CDH23: variants seen among roughly 807,000 people sequenced by gnomAD.
The protein encoded by CDH23 is cadherin related 23.
Under a neutral mutation model 317.1 loss-of-function variants are expected in CDH23, and 189 were observed. The observed-to-expected ratio is 0.60, with a 90% CI of 0.53 to 0.67. The LOEUF (loss-of-function observed/expected upper bound fraction) is 0.67, where lower values mean the gene tolerates loss of function less well. CDH23 is among the 30% of genes least tolerant of loss of function. CDH23 has a pLI of 0.00. For missense variants in CDH23, 4,401 were observed against 4,592.4 expected, an observed-to-expected ratio of 0.96 and a Z score of 1.20; for synonymous variants, 1,839 against 1,876.8, an observed-to-expected ratio of 0.98 and a Z score of 0.52.
intron 21 of CDH23, 22 bp downstream of exon 21, chr10:71,694,281 G>A (rs2132713774): frequency 1.9e-6 from 3 of 1,580,176 alleles, no homozygotes; most frequent in East Asian, 2.2e-5. Flanking sequence ...CCCCTCCCGT[G>A]CCCCAGCTCC....
At chr10:71,778,075 G>A in intron 39 of CDH23, 114 bp from the exon 40 acceptor site, 1 of 1,487,746 alleles carries the variant, frequency 6.7e-7, no homozygotes, top group African/African-American at 1.4e-5. Context: ...CTAGGGGGTG[G>A]CAGTGGTTCC....
intron 1 of CDH23, among the ~76,000 whole-genome samples, chr10:71,436,385 G>A (rs939037115): frequency 6.6e-6 from 1 of 152,236 alleles, no homozygotes; most frequent in Non-Finnish European, 1.5e-5. Context: ...GTATGCAGGC[G>A]CTCACTTTTT....
At chr10:71,667,853 G>A (rs1863980142) in intron 14 of CDH23, among the ~76,000 whole-genome samples, 1 of 152,134 alleles carries the variant, frequency 6.6e-6, no homozygotes, top group Non-Finnish European at 1.5e-5. Flanking sequence ...CCGGGAGCTG[G>A]GCTGGACATA....
rs560196660 is a variant in CDH23 at position 71,624,186 on chromosome 10, G to A, written c.1134+6793G>A. Among the ~76,000 whole-genome samples the A allele has an allele frequency of 4.6e-5, 7 of 152,266 alleles. No individual in the cohort carries two copies. In the South Asian group the frequency reaches 1.2e-3, roughly 27 times the overall value. Reference sequence around the variant, plus strand: ...GAGCCGGCTCCACGGACTCGGTTCCGGCAAACCCAGCTCCCACTTCAAGCA... The same window carrying A: ...GAGCCGGCTCCACGGACTCGGTTCCAGCAAACCCAGCTCCCACTTCAAGCA... On this transcript the variant is annotated intron_variant, in intron 11 of 69. Transcript: ENST00000224721.
intron 38 of CDH23, among the ~76,000 whole-genome samples, chr10:71,757,966 C>T (rs1840192872): frequency 1.3e-5 from 2 of 152,310 alleles, no homozygotes; most frequent in African/African-American, 4.8e-5. Flanking sequence ...CATTCCCCTA[C>T]CTCAGGTTAA....
chr10:71,736,632 C>T (rs1839573632), intron 34 of CDH23, among the ~76,000 whole-genome samples: 1 of 152,172 alleles, frequency 6.6e-6, no homozygotes, highest in Non-Finnish European at 1.5e-5. Flanking sequence ...AGGCCAACCC[C>T]CTTCCACTGG....
chr10:71,759,946 CATAT>C (rs1292389919), intron 38 of CDH23, among the ~76,000 whole-genome samples: 1 of 93,168 alleles, frequency 1.1e-5, no homozygotes, highest in Admixed American at 1.1e-4. Flanking sequence ...TACACACACA[CATAT>C]ATATACACAC....
At chr10:71,549,772 C>T (rs875860) in intron 6 of CDH23, among the ~76,000 whole-genome samples, 28,135 of 152,194 alleles carry the variant, frequency 0.18, 2,984 homozygotes, top group African/African-American at 0.27. Context: ...GCCTCACTTA[C>T]TGCCCCAGAG....
Position 71,799,117 on chromosome 10 carries a change from T to C in CDH23, c.7061T>C (p.Val2354Ala). 1 of 1,612,858 alleles carries C rather than the reference T, an allele frequency of 6.2e-7. No individual in the cohort carries two copies. Among genetic ancestry groups the C allele is most frequent in the Non-Finnish European group, 8.5e-7 (1 of 1,179,028 alleles). ...VQLEDSSAGK[V>A]IANRTVDYEE... ...GGGAGCCTCTGTGTCTTAGGGAAGG[T>C]CATTGCCAACCGGACAGTGGACTAC... Residue 2354 changes from valine (V) to alanine (A), a missense_variant, in exon 51 of 70, where the codon GTC (valine) becomes GCC (alanine). Transcript: ENST00000224721.
chr10:71,493,865 C>T (rs888091940), intron 3 of CDH23, among the ~76,000 whole-genome samples: 3 of 152,016 alleles, frequency 2.0e-5, no homozygotes, highest in Admixed American at 6.6e-5. Context: ...ATTATAATAG[C>T]GTGCATAGAA....
At chr10:71,762,163 G>T in intron 38 of CDH23, 1 of 1,023,456 alleles carries the variant, frequency 9.8e-7, no homozygotes, top group African/African-American at 1.6e-5. Context: ...CCCTAAGACT[G>T]CCTTCTGCAT....
chr10:71,658,406 AT>A (rs1863508497), intron 14 of CDH23, among the ~76,000 whole-genome samples: 1 of 152,130 alleles, frequency 6.6e-6, no homozygotes, highest in Non-Finnish European at 1.5e-5. Flanking sequence ...GTGAGGTCTG[AT>A]GGTTTTCAGC....
At position 71,810,529 on chromosome 10, in the gene CDH23, G is replaced by T; in HGVS notation, c.9037G>T (p.Val3013Leu). ...NFAQTELLIHVVNRDTNRILD... is the reference protein window; with the variant it reads ...NFAQTELLIHLVNRDTNRILD... ...TGCGCAGACAGAACTGCTTATCCACGTGGTGAACCGCGATACCAACCGCAT... is the reference window on the plus strand; with the variant it reads ...TGCGCAGACAGAACTGCTTATCCACTTGGTGAACCGCGATACCAACCGCAT... Residue 3013 changes from valine (V) to leucine (L), a missense_variant, in exon 62 of 70, where the codon GTG becomes TTG. Val to Leu is a conservative substitution (Grantham distance 32). This residue lies in a region of CDH23 where 1,144 missense variants were observed against 1,138.2 expected (regional missense o/e 1.01). Coordinates refer to ENST00000224721, the MANE Select transcript of CDH23 (RefSeq NM_022124.6). 3.1e-6 allele frequency: 5 copies of T among 1,613,978 alleles called. No individual in the cohort carries two copies. Among genetic ancestry groups the T allele is most frequent in the Non-Finnish European group, 4.2e-6 (5 of 1,179,864 alleles).
chr10:71,704,952 G>T lies in CDH23; in HGVS notation c.2775G>T (p.Val925=). 6.2e-7 allele frequency: 1 copy of T among 1,612,944 alleles called. No individual in the cohort carries two copies. Among genetic ancestry groups the T allele is most frequent in the Non-Finnish European group, 8.5e-7 (1 of 1,179,854 alleles). ...TCGATGAGGGCCTGAACGGCCTGGT[G>T]TCCTACCGCATGCCGGTGGGCATGC... ...IDLDEGLNGL[V]SYRMPVGMPR... is the part of the protein sequence containing the mutation. The change falls in exon 25 of 70, where the codon GTG becomes GTT. Residue 925 remains valine (V), a synonymous_variant. Transcript: ENST00000224721.
intron 32 of CDH23, chr10:71,732,866 T>A: frequency 4.1e-6 from 1 of 244,658 alleles, no homozygotes; most frequent in Non-Finnish European, 7.0e-6. Flanking sequence ...GGGAATCCTA[T>A]AGTTTGATTT....
chr10:71,551,651 C>T (rs1464740099), intron 6 of CDH23, among the ~76,000 whole-genome samples: 1 of 152,134 alleles, frequency 6.6e-6, no homozygotes, highest in African/African-American at 2.4e-5. Context: ...TCTGGTTTCC[C>T]TCTTTTCTTA....
intron 32 of CDH23, chr10:71,732,746 T>TTAATGATACGGCGA: frequency 1.4e-5 from 16 of 1,126,696 alleles, no homozygotes; most frequent in South Asian, 8.5e-5. Context: ...CTTCTGTTTT[T>TTAATGATACGGCGA]CCTTCTGTTT....
At chr10:71,483,867 C>A (rs1460502402) in intron 3 of CDH23, among the ~76,000 whole-genome samples, 1 of 152,090 alleles carries the variant, frequency 6.6e-6, no homozygotes, top group Non-Finnish European at 1.5e-5. Context: ...CACTCTCCCC[C>A]CACACACATG....
chr10:71,505,935 T>C (rs1387047859), intron 3 of CDH23, among the ~76,000 whole-genome samples: 4 of 152,230 alleles, frequency 2.6e-5, no homozygotes, highest in Non-Finnish European at 4.4e-5. Context: ...TGTACATAAA[T>C]GTTCATAGCG....
Sources: gnomAD v4.1 joint callset for allele counts (sites outside exome capture counted in the v4.1 genomes callset) on GRCh38, gnomAD v4.1.1 for gene constraint, gnomAD v4.1.1 regional missense constraint, MANE v1.5 for transcripts, NCBI Gene and HGNC (gene_info 2026-07-23, HGNC 2026-07-21) for gene names.